ITGA9: variants seen among roughly 807,000 people sequenced by gnomAD.
The protein encoded by ITGA9 is integrin subunit alpha 9, also known as integrin alpha-9.
A neutral mutation model predicts 127.8 loss-of-function variants in ITGA9; 56 were observed. The observed-to-expected ratio is 0.44, with a 90% confidence interval of 0.35 to 0.55. The LOEUF (loss-of-function observed/expected upper bound fraction) is 0.55. ITGA9 is among the 20% of genes least tolerant of loss of function. The pLI is 0.00. For synonymous variants in ITGA9, 508 were observed against 514.5 expected (o/e 0.99, Z 0.17); for missense variants, 1,196 against 1,347.1 (o/e 0.89, Z 1.76).
intron 3 of ITGA9, among the ~76,000 whole-genome samples, chr3:37,476,769 TTG>T (rs1163570112): frequency 2.0e-5 from 3 of 152,162 alleles, no homozygotes; most frequent in Admixed American, 2.0e-4. Flanking sequence ...ATTACTTATA[TTG>T]TGTGTATAAT....
rs117388634 is a variant in ITGA9, at chr3:37,485,851, G to T, written c.544+4244G>T. Among the ~76,000 whole-genome samples, 804 of 152,308 alleles carry T rather than the reference G, an allele frequency of 5.3e-3. 15 individuals carry two copies. The highest frequency in any genetic ancestry group is 0.019 in the East Asian group (101 of 5,184). On this transcript the variant is annotated intron_variant, in intron 4 of 27. Coordinates refer to ENST00000264741, the MANE Select transcript of ITGA9 (RefSeq NM_002207.3). ...TGAATTTAGGACATAAACTCATGGA[G>T]CATATCCTTCAGTCAGTTTAGTTTG...
At chr3:37,735,546 G>C (rs1696349275) in intron 19 of ITGA9, among the ~76,000 whole-genome samples, 1 of 152,188 alleles carries the variant, frequency 6.6e-6, no homozygotes, top group Non-Finnish European at 1.5e-5. Context: ...TAAGTTATAG[G>C]CTCTCAAAAT....
chr3:37,452,283 C>A lies in ITGA9; in HGVS notation c.-92C>A. The A allele has an allele frequency of 1.4e-6, 1 of 699,846 alleles. No homozygotes were observed. Among genetic ancestry groups the A allele is most frequent in the South Asian group, 6.4e-5 (1 of 15,720 alleles). The allele number at this position is 699,846 out of a possible 1,614,324, so 43.4% of individuals were successfully genotyped here. ...CGTGTCCAGGCGCAGAGCTCCCGCC[C>A]CGGGGAGCTTCCTGGCCGTCGGCGG... is the stretch of plus-strand genomic sequence containing the variant. On this transcript the variant is annotated 5_prime_UTR_variant, in exon 1 of 28. Coordinates refer to ENST00000264741, the MANE Select transcript of ITGA9 (RefSeq NM_002207.3). The surrounding 1 kb of genome is among the most constrained non-coding windows in gnomAD (Gnocchi z 7.3).
At chr3:37,512,017 TCTTTTC>T (rs1559524466) in intron 8 of ITGA9, among the ~76,000 whole-genome samples, 1 of 30,204 alleles carries the variant, frequency 3.3e-5, no homozygotes, top group Non-Finnish European at 7.7e-5. Context: ...TCTTTTCTTT[TCTTTTC>T]TTTTCTTTCT....
In ITGA9 at chr3:37,686,868, C is replaced by A. The variant is rs1265119432; in HGVS notation, c.2067+2853C>A. On this transcript the variant is annotated intron_variant, in intron 18 of 27. Transcript: ENST00000264741. Reference sequence around the variant, plus strand: ...GCCACGCTGCAAGGTTGATAAACAGCGGATGTAAATGGCATCACCCAGCAC... The same window carrying A: ...GCCACGCTGCAAGGTTGATAAACAGAGGATGTAAATGGCATCACCCAGCAC... 2.6e-5 allele frequency among the ~76,000 whole-genome samples: 4 copies of A among 152,034 alleles called. No individual in the cohort carries two copies. The East Asian group carries it at 5.8e-4, about 22-fold the overall frequency.
chr3:37,642,757 G>T (rs750415727), intron 16 of ITGA9, among the ~76,000 whole-genome samples: 1 of 152,172 alleles, frequency 6.6e-6, no homozygotes, highest in African/African-American at 2.4e-5. Context: ...TTAGTCTAAT[G>T]GTAATTTTTA....
intron 22 of ITGA9, among the ~76,000 whole-genome samples, chr3:37,744,734 T>C (rs935205249): frequency 6.6e-6 from 1 of 152,266 alleles, no homozygotes; most frequent in African/African-American, 2.4e-5. Flanking sequence ...CAGCATCTAT[T>C]CAACCATACT....
chr3:37,604,022 A>G (rs1261092273), intron 15 of ITGA9, among the ~76,000 whole-genome samples: 1 of 152,194 alleles, frequency 6.6e-6, no homozygotes, highest in African/African-American at 2.4e-5. Context: ...AAAGCAGGCT[A>G]CCTATTTTAT....
chr3:37,733,103 AT>A (rs1165726735), intron 19 of ITGA9: 5 of 390,180 alleles, frequency 1.3e-5, no homozygotes, highest in East Asian at 5.9e-5. Flanking sequence ...TCCTAAAATA[AT>A]TTTTTTTCTG....
At chr3:37,485,337 G>T (rs910871879) in intron 4 of ITGA9, among the ~76,000 whole-genome samples, 4 of 152,202 alleles carry the variant, frequency 2.6e-5, no homozygotes, top group African/African-American at 7.2e-5. Flanking sequence ...GGAGGGGGAC[G>T]GCTGCCTCTA....
chr3:37,816,168 C>G (rs905784615), intron 27 of ITGA9, among the ~76,000 whole-genome samples: 9 of 152,136 alleles, frequency 5.9e-5, no homozygotes, highest in Non-Finnish European at 1.5e-5. Flanking sequence ...ATGTGGGCAT[C>G]TTTGCAATTT....
chr3:37,612,102 A>G (rs887053018), intron 15 of ITGA9, among the ~76,000 whole-genome samples: 2 of 152,186 alleles, frequency 1.3e-5, no homozygotes, highest in Non-Finnish European at 2.9e-5. Context: ...ACCTATGAAG[A>G]CTGAAACAAC....
At chr3:37,607,616 A>G (rs984477209) in intron 15 of ITGA9, among the ~76,000 whole-genome samples, 2 of 152,210 alleles carry the variant, frequency 1.3e-5, no homozygotes, top group African/African-American at 2.4e-5. Flanking sequence ...GACATTCTAC[A>G]TGGCAAAAGA....
intron 15 of ITGA9, among the ~76,000 whole-genome samples, chr3:37,546,083 CAAAT>C (rs1699323720): frequency 6.6e-6 from 1 of 152,146 alleles, no homozygotes; most frequent in Non-Finnish European, 1.5e-5. Flanking sequence ...CTTTTGGTCT[CAAAT>C]AAAATAATTT....
intron 16 of ITGA9, among the ~76,000 whole-genome samples, chr3:37,653,292 T>G (rs1002295326): frequency 6.6e-6 from 1 of 152,182 alleles, no homozygotes; most frequent in Non-Finnish European, 1.5e-5. Flanking sequence ...ATTTCCTGCA[T>G]CCCCAAGGCA....
chr3:37,737,339 G>T (rs917677047), intron 20 of ITGA9, among the ~76,000 whole-genome samples: 6 of 148,368 alleles, frequency 4.0e-5, no homozygotes, highest in African/African-American at 9.7e-5. Context: ...TCTGCAAATT[G>T]TCTGGCTGGG....
chr3:37,622,663 T>G (rs1700139111), intron 15 of ITGA9, among the ~76,000 whole-genome samples: 1 of 151,958 alleles, frequency 6.6e-6, no homozygotes, highest in Non-Finnish European at 1.5e-5. Context: ...GCCAACATGG[T>G]GAAAACCCCG....
intron 18 of ITGA9, among the ~76,000 whole-genome samples, chr3:37,712,817 G>A (rs926044647): frequency 6.6e-6 from 1 of 152,166 alleles, no homozygotes; most frequent in Non-Finnish European, 1.5e-5. Context: ...ACCTCCTAAC[G>A]GGTTGGGAGT....
At chr3:37,563,044 A>G (rs987604551) in intron 15 of ITGA9, among the ~76,000 whole-genome samples, 4 of 152,114 alleles carry the variant, frequency 2.6e-5, no homozygotes, top group Non-Finnish European at 2.9e-5. Flanking sequence ...GACATTGACT[A>G]ATTGCCCAAT....
Sources: allele counts gnomAD v4.1 joint callset (sites outside exome capture counted in the v4.1 genomes callset), GRCh38; gene constraint gnomAD v4.1.1; non-coding constraint Gnocchi (gnomAD v3.1); transcripts MANE v1.5; gene names NCBI Gene and HGNC (gene_info 2026-07-23, HGNC 2026-07-21).